GMDS: variants seen among roughly 807,000 people sequenced by gnomAD.
GMDS encodes the protein GDP-mannose 4,6 dehydratase.
A neutral mutation model predicts 49.9 loss-of-function variants in GMDS; 20 were observed. That is an observed-to-expected ratio of 0.40 (90% CI 0.28 to 0.58). GMDS has a LOEUF of 0.58. GMDS is among the 20% of genes least tolerant of loss of function. GMDS has a pLI of 0.42. For missense variants in GMDS, 362 were observed against 481.4 expected (o/e 0.75, Z 2.32); for synonymous variants, 177 against 178.6 (o/e 0.99, Z 0.07).
chr6:1,989,371 T>C (rs1314228512), intron 4 of GMDS, among the ~76,000 whole-genome samples: 2 of 152,026 alleles, frequency 1.3e-5, no homozygotes, highest in South Asian at 2.1e-4. Context: ...GGCTGGTATG[T>C]GGTCAAGGTC....
At chr6:2,021,115 T>C (rs1768252930) in intron 4 of GMDS, among the ~76,000 whole-genome samples, 1 of 152,212 alleles carries the variant, frequency 6.6e-6, no homozygotes. Flanking sequence ...CTTACTCTGA[T>C]TAGGAGGAGT....
At chr6:1,650,132 C>T (rs143381791) in intron 9 of GMDS, among the ~76,000 whole-genome samples, 322 of 152,282 alleles carry the variant, frequency 2.1e-3, no homozygotes, top group Non-Finnish European at 3.6e-3. Flanking sequence ...TCTGAGATGG[C>T]CTCCTTTTCC....
chr6:1,887,434 G>A (rs781598556), intron 7 of GMDS, among the ~76,000 whole-genome samples: 13 of 151,312 alleles, frequency 8.6e-5, no homozygotes, highest in African/African-American at 3.2e-4. Context: ...AATTTACACC[G>A]AACATATTTA....
intron 7 of GMDS, among the ~76,000 whole-genome samples, chr6:1,914,399 G>A (rs1385773436): frequency 6.6e-6 from 1 of 150,530 alleles, no homozygotes; most frequent in African/African-American, 2.4e-5. Flanking sequence ...CCCAGGAGGT[G>A]GAGCTTAAAG....
At chr6:1,961,056 C>G in intron 4 of GMDS, 90 bp from the exon 5 acceptor site, 8 of 631,450 alleles carry the variant, frequency 1.3e-5, no homozygotes, top group Non-Finnish European at 2.1e-5. Flanking sequence ...ATTTCACACA[C>G]TGTGAAATGT....
chr6:1,848,743 A>T (rs926763001), intron 7 of GMDS, among the ~76,000 whole-genome samples: 2 of 152,126 alleles, frequency 1.3e-5, no homozygotes, highest in Non-Finnish European at 2.9e-5. Context: ...TGAAGACAAG[A>T]ATTTGTAAGT....
intron 9 of GMDS, among the ~76,000 whole-genome samples, chr6:1,665,038 G>A (rs72838830): frequency 0.098 from 14,912 of 152,214 alleles, 971 homozygotes; most frequent in Admixed American, 0.21. Context: ...TATGACTGGT[G>A]GAAGTGGCAG....
intron 1 of GMDS, among the ~76,000 whole-genome samples, chr6:2,162,999 T>C (rs1777481804): frequency 6.6e-6 from 1 of 152,214 alleles, no homozygotes; most frequent in African/African-American, 2.4e-5. Flanking sequence ...AACAGCCCAC[T>C]GATCTAGACA....
chr6:1,987,905 C>T (rs1440867290), intron 4 of GMDS, among the ~76,000 whole-genome samples: 5 of 151,826 alleles, frequency 3.3e-5, no homozygotes, highest in Admixed American at 3.3e-4. Context: ...TTTATTTTAC[C>T]TCTCGAAAAA....
intron 9 of GMDS, among the ~76,000 whole-genome samples, chr6:1,702,094 T>C (rs1765562567): frequency 6.6e-6 from 1 of 152,192 alleles, no homozygotes. Flanking sequence ...ACAAGGAAAG[T>C]TTGGAAGAAA....
At chr6:2,130,418 A>G (rs1406919068) in intron 1 of GMDS, among the ~76,000 whole-genome samples, 2 of 152,242 alleles carry the variant, frequency 1.3e-5, no homozygotes, top group Non-Finnish European at 2.9e-5. Flanking sequence ...ATAACCTCTG[A>G]ATAATGAAGA....
At chr6:1,942,217 A>G (rs1034518351) in intron 6 of GMDS, among the ~76,000 whole-genome samples, 2 of 152,190 alleles carry the variant, frequency 1.3e-5, no homozygotes, top group African/African-American at 4.8e-5. Context: ...GTAGCCCGGG[A>G]GTCCTCTTTG....
chr6:2,189,162 T>C (rs886446191), intron 1 of GMDS, among the ~76,000 whole-genome samples: 1 of 151,262 alleles, frequency 6.6e-6, no homozygotes, highest in Non-Finnish European at 1.5e-5. Flanking sequence ...ATAAGAAAAA[T>C]GAAAGAGACA....
intron 1 of GMDS, among the ~76,000 whole-genome samples, chr6:2,173,780 T>C (rs1034301303): frequency 6.6e-6 from 1 of 152,164 alleles, no homozygotes; most frequent in African/African-American, 2.4e-5. Flanking sequence ...TATTCAGAGA[T>C]TATAAAATAG....
intron 1 of GMDS, among the ~76,000 whole-genome samples, chr6:2,179,720 T>C (rs1281271686): frequency 6.6e-6 from 1 of 152,212 alleles, no homozygotes; most frequent in Non-Finnish European, 1.5e-5. Context: ...ATTAAGATAC[T>C]GCCAAAGTAT....
chr6:1,648,950 C>T (rs1173811753), intron 9 of GMDS, among the ~76,000 whole-genome samples: 1 of 152,200 alleles, frequency 6.6e-6, no homozygotes, highest in Non-Finnish European at 1.5e-5. Flanking sequence ...CTCAAGGCAA[C>T]ACTATACAGA....
At chr6:1,688,427 C>A (rs1561729938) in intron 9 of GMDS, among the ~76,000 whole-genome samples, 1 of 152,210 alleles carries the variant, frequency 6.6e-6, no homozygotes, top group Non-Finnish European at 1.5e-5. Flanking sequence ...ACCTCTTTTT[C>A]TTCCTCCTAC....
chr6:2,038,389 C>T (rs1769431563), intron 4 of GMDS, among the ~76,000 whole-genome samples: 1 of 152,168 alleles, frequency 6.6e-6, no homozygotes, highest in Admixed American at 6.5e-5. Flanking sequence ...AAGCCGCGCT[C>T]AAGAATGAAT....
At chr6:1,941,044 C>T (rs1253372915) in intron 6 of GMDS, among the ~76,000 whole-genome samples, 1 of 142,590 alleles carries the variant, frequency 7.0e-6, no homozygotes, top group Non-Finnish European at 1.5e-5. Context: ...AATAAAACAA[C>T]CCCACAAAGA....
Sources: gnomAD v4.1 joint callset for allele counts (sites outside exome capture counted in the v4.1 genomes callset) on GRCh38, gnomAD v4.1.1 for gene constraint, MANE v1.5 for transcripts, NCBI Gene and HGNC (gene_info 2026-07-23, HGNC 2026-07-21) for gene names.